The following CACNA1C variants were observed in gnomAD, a reference collection of about 807,000 sequenced individuals.
CACNA1C encodes the protein voltage-dependent L-type calcium channel subunit alpha-1C.
Under a neutral mutation model 229.0 loss-of-function variants are expected in CACNA1C, and 30 were observed. That is an observed-to-expected ratio of 0.13 (90% CI 0.10 to 0.18). The LOEUF (loss-of-function observed/expected upper bound fraction) is 0.18. Among genes scored for constraint, CACNA1C ranks in the 10% least tolerant of loss-of-function variants. CACNA1C has a pLI of 1.00. For synonymous variants in CACNA1C, 1,114 were observed against 1,132.5 expected, an observed-to-expected ratio of 0.98 and a Z score of 0.33; for missense variants, 1,658 against 2,845.0, an observed-to-expected ratio of 0.58 and a Z score of 9.49.
chr12:2,126,846 G>A (rs906494230), intron 3 of CACNA1C, among the ~76,000 whole-genome samples: 1 of 152,210 alleles, frequency 6.6e-6, no homozygotes, highest in African/African-American at 2.4e-5. Flanking sequence ...GCGAATGTGT[G>A]TTGCTCTTTG....
At chr12:2,652,837 G>A (rs2153659905) in intron 32 of CACNA1C, among the ~76,000 whole-genome samples, 1 of 152,356 alleles carries the variant, frequency 6.6e-6, no homozygotes, top group South Asian at 2.1e-4. Flanking sequence ...GACTGCCGCT[G>A]ACTCTGTACT....
chr12:2,349,400 T>C (rs892671195), intron 3 of CACNA1C, among the ~76,000 whole-genome samples: 1 of 152,040 alleles, frequency 6.6e-6, no homozygotes, highest in Non-Finnish European at 1.5e-5. Context: ...ACTGTCTCAA[T>C]TGGAATCATC....
chr12:2,359,942 G>C (rs1018435335), intron 3 of CACNA1C, among the ~76,000 whole-genome samples: 1 of 152,126 alleles, frequency 6.6e-6, no homozygotes, highest in Non-Finnish European at 1.5e-5. Context: ...GACGAGAGCA[G>C]CACTGGGACG....
chr12:2,295,067 C>T (rs2093910827), intron 3 of CACNA1C, among the ~76,000 whole-genome samples: 1 of 152,188 alleles, frequency 6.6e-6, no homozygotes, highest in African/African-American at 2.4e-5. Flanking sequence ...GGGAGTCTTT[C>T]TGCCAGCTCC....
chr12:2,598,799 C>A (rs1317077189), intron 21 of CACNA1C, among the ~76,000 whole-genome samples: 2 of 152,154 alleles, frequency 1.3e-5, no homozygotes, highest in Non-Finnish European at 2.9e-5. Context: ...GTGTCCTTGT[C>A]CCCAGGACAC....
At chr12:2,664,733 A>C in intron 34 of CACNA1C, 92 bp from the exon 35 acceptor site, 3 of 1,006,948 alleles carry the variant, frequency 3.0e-6, no homozygotes, top group Non-Finnish European at 4.2e-6. Context: ...CCTCTGGGGA[A>C]GGAGGAAAGG....
intron 9 of CACNA1C, among the ~76,000 whole-genome samples, chr12:2,547,795 G>A (rs1227820358): frequency 6.6e-6 from 1 of 152,220 alleles, no homozygotes; most frequent in Non-Finnish European, 1.5e-5. Context: ...CCTCTGGGCA[G>A]TGCTGGCCTA....
At chr12:2,377,090 G>C (rs576450984) in intron 3 of CACNA1C, among the ~76,000 whole-genome samples, 1 of 152,152 alleles carries the variant, frequency 6.6e-6, no homozygotes, top group Non-Finnish European at 1.5e-5. Flanking sequence ...CCCAGCTGGC[G>C]TGGTATTTGA....
intron 3 of CACNA1C, among the ~76,000 whole-genome samples, chr12:2,291,982 A>G (rs1316023057): frequency 6.6e-6 from 1 of 152,164 alleles, no homozygotes; most frequent in African/African-American, 2.4e-5. Flanking sequence ...TAAGTTTCCC[A>G]CTGTTCTGTT....
At chr12:2,056,863 A>G (rs746509871) in intron 1 of CACNA1C, among the ~76,000 whole-genome samples, 50 of 152,204 alleles carry the variant, frequency 3.3e-4, no homozygotes, top group Non-Finnish European at 6.8e-4. Context: ...TAGAATACAC[A>G]CTAACAGTAT....
intron 7 of CACNA1C, among the ~76,000 whole-genome samples, chr12:2,500,980 G>C (rs2099758288): frequency 6.6e-6 from 1 of 151,784 alleles, no homozygotes; most frequent in Non-Finnish European, 1.5e-5. Context: ...GCCGAGGTGG[G>C]CGGATCACGA....
chr12:2,524,308 G>C (rs187739345), intron 9 of CACNA1C, among the ~76,000 whole-genome samples: 1 of 152,184 alleles, frequency 6.6e-6, no homozygotes, highest in Non-Finnish European at 1.5e-5. Context: ...AATAGACACC[G>C]TCTCTGTCCT....
chr12:2,033,914 G>A (rs531970727), intron 1 of CACNA1C, among the ~76,000 whole-genome samples: 25 of 152,336 alleles, frequency 1.6e-4, no homozygotes, highest in African/African-American at 4.8e-4. Context: ...AGCATGTTCC[G>A]AGAGAAGCAC....
At chr12:2,332,374 G>A (rs1238514325) in intron 3 of CACNA1C, among the ~76,000 whole-genome samples, 1 of 152,122 alleles carries the variant, frequency 6.6e-6, no homozygotes, top group Non-Finnish European at 1.5e-5. Flanking sequence ...AAAAGAAAAA[G>A]GCAAGTGCCC....
intron 1 of CACNA1C, among the ~76,000 whole-genome samples, chr12:2,080,705 T>C (rs1012145804): frequency 3.3e-5 from 5 of 152,182 alleles, no homozygotes; most frequent in Non-Finnish European, 5.9e-5. Flanking sequence ...GGCCCAACTG[T>C]ATTTTTAGAA....
At chr12:2,497,704 T>A (rs1461667175) in intron 7 of CACNA1C, among the ~76,000 whole-genome samples, 1 of 151,722 alleles carries the variant, frequency 6.6e-6, no homozygotes, top group South Asian at 2.1e-4. Context: ...GTTCTTCGAC[T>A]GATTTTTTTT....
intron 3 of CACNA1C, among the ~76,000 whole-genome samples, chr12:2,126,771 A>G (rs1217632520): frequency 1.3e-5 from 2 of 152,254 alleles, no homozygotes; most frequent in Non-Finnish European, 2.9e-5. Context: ...GAGTTGCCTC[A>G]TAACCTGGCT....
intron 3 of CACNA1C, among the ~76,000 whole-genome samples, chr12:2,335,445 A>T (rs1251180219): frequency 6.6e-6 from 1 of 152,168 alleles, no homozygotes; most frequent in Non-Finnish European, 1.5e-5. Flanking sequence ...AGTTAAAAAA[A>T]AAAAACCTTA....
intron 3 of CACNA1C, among the ~76,000 whole-genome samples, chr12:2,263,175 G>A (rs560982080): frequency 4.6e-5 from 7 of 152,162 alleles, no homozygotes; most frequent in African/African-American, 1.7e-4. Context: ...TGGGGAGAGG[G>A]CATTCAAGGG....
Sources: allele counts gnomAD v4.1 joint callset (sites outside exome capture counted in the v4.1 genomes callset), GRCh38; gene constraint gnomAD v4.1.1; transcripts MANE v1.5; gene names NCBI Gene and HGNC (gene_info 2026-07-23, HGNC 2026-07-21).